IFT81: variants seen among roughly 807,000 people sequenced by gnomAD.
IFT81 encodes intraflagellar transport 81, also known as intraflagellar transport protein 81 homolog.
A neutral mutation model predicts 102.6 loss-of-function variants in IFT81; 72 were observed. That is an observed-to-expected ratio of 0.70 (90% CI 0.58 to 0.85). The LOEUF is 0.85. IFT81 is among the 40% of genes least tolerant of loss of function. The pLI, the probability that IFT81 is intolerant of heterozygous loss-of-function variation, is 0.00. For synonymous variants in IFT81, 237 were observed against 242.7 expected (o/e 0.98, Z 0.22); for missense variants, 723 against 787.3 (o/e 0.92, Z 0.98).
chr12:110,190,972 A>G lies in IFT81; in HGVS notation c.1391A>G (p.Glu464Gly). The change falls in exon 13 of 19, where the codon GAG becomes GGG. Residue 464 changes from glutamate to glycine, a missense_variant. Coordinates refer to ENST00000242591, the MANE Select transcript of IFT81 (RefSeq NM_014055.4). The part of the protein sequence containing the change: ...GISGYSYTQE[E>G]LERVSALKSE... The stretch of plus-strand genomic sequence containing the variant: ...TCTGGATATAGTTACACCCAAGAAG[A>G]GCTAGAAAGAGTATCTGCACTGAAG... The G allele has an allele frequency of 6.2e-7, 1 of 1,608,990 alleles. No homozygotes were observed. The highest frequency in any genetic ancestry group is 2.2e-5 in the East Asian group (1 of 44,602).
chr12:110,126,855 T>C (rs1002858450), intron 1 of IFT81, among the ~76,000 whole-genome samples: 2 of 152,214 alleles, frequency 1.3e-5, no homozygotes, highest in African/African-American at 4.8e-5. Context: ...TCTACTCAGA[T>C]GCAGTTGGTT....
At chr12:110,129,856 G>T (rs758217974) in intron 4 of IFT81, among the ~76,000 whole-genome samples, 25 of 150,090 alleles carry the variant, frequency 1.7e-4, no homozygotes, top group Non-Finnish European at 2.5e-4. Context: ...TTTTTAAAAA[G>T]TGCTTCTGTT....
In IFT81 at chr12:110,132,672, G is replaced by T. The variant is rs750553171; in HGVS notation, c.519+36G>T. 5.4e-6 allele frequency: 6 copies of T among 1,109,198 alleles called. No individual in the cohort carries two copies. The South Asian group carries it at 6.6e-5, about 12-fold the overall frequency. The allele number at this position is 1,109,198 out of a possible 1,614,324, so 68.7% of individuals were successfully genotyped here. A position where few individuals can be genotyped will look rare whatever the true frequency, so the allele number is the denominator to read the frequency against. On this transcript the variant is annotated intron_variant, in intron 5 of 18. Transcript: ENST00000242591. ...GAAAACATAGTAACAATTTTTTTGG[G>T]ATTTGAATAATATTGGATTTAGCAT...
chr12:110,192,727 A>G (rs1231372956), intron 14 of IFT81, 21 bp downstream of exon 14: 6 of 1,333,622 alleles, frequency 4.5e-6, no homozygotes, highest in Non-Finnish European at 6.4e-6. Context: ...GATTTTATCA[A>G]GTAATTTGAT....
At chr12:110,128,004 A>T in intron 2 of IFT81, 42 bp from the exon 3 acceptor site, 1 of 1,311,204 alleles carries the variant, frequency 7.6e-7, no homozygotes, top group Non-Finnish European at 1.1e-6. Context: ...GTCCTTTGTT[A>T]CATATACAAC....
intron 10 of IFT81, among the ~76,000 whole-genome samples, chr12:110,160,416 T>G (rs935153572): frequency 6.6e-6 from 1 of 152,146 alleles, no homozygotes; most frequent in African/African-American, 2.4e-5. Context: ...ACCTGGAGTC[T>G]GATGTCCAAG....
At chr12:110,135,241 G>A in intron 6 of IFT81, 86 bp from the exon 7 acceptor site, 1 of 845,462 alleles carries the variant, frequency 1.2e-6, no homozygotes, top group Non-Finnish European at 1.9e-6. Context: ...AAAAGGAAAT[G>A]ATAAGTGGAT....
chr12:110,205,789 T>C (rs1593373062), intron 17 of IFT81, 109 bp downstream of exon 17: 2 of 627,740 alleles, frequency 3.2e-6, no homozygotes, highest in Non-Finnish European at 5.3e-6. Flanking sequence ...AAGTAGACAC[T>C]AAGATATTAT....
chr12:110,149,982 G>A (rs1319579560), intron 10 of IFT81, among the ~76,000 whole-genome samples: 4 of 152,136 alleles, frequency 2.6e-5, no homozygotes, highest in Admixed American at 6.6e-5. Flanking sequence ...GACAGACCTG[G>A]GGGTGGAGCC....
intron 12 of IFT81, among the ~76,000 whole-genome samples, chr12:110,186,953 C>CT (rs573614507): frequency 6.6e-6 from 1 of 151,972 alleles, no homozygotes; most frequent in East Asian, 1.9e-4. Context: ...TTTTCTTTTT[C>CT]TTTTTTTCAT....
At chr12:110,149,959 C>A (rs1163043559) in intron 10 of IFT81, among the ~76,000 whole-genome samples, 1 of 152,184 alleles carries the variant, frequency 6.6e-6, no homozygotes, top group South Asian at 2.1e-4. Flanking sequence ...CTGTCCTCAC[C>A]TAGGTCCATG....
At chr12:110,206,814 A>G (rs753027569) in intron 17 of IFT81, among the ~76,000 whole-genome samples, 11 of 152,214 alleles carry the variant, frequency 7.2e-5, no homozygotes, top group Non-Finnish European at 1.6e-4. Context: ...TAACATATTA[A>G]ACTAAAAATG....
intron 12 of IFT81, among the ~76,000 whole-genome samples, chr12:110,187,944 T>G (rs1391779421): frequency 6.6e-6 from 1 of 152,170 alleles, no homozygotes; most frequent in Non-Finnish European, 1.5e-5. Context: ...TGTGAGGCAT[T>G]TACCAAAGCC....
chr12:110,172,255 C>A (rs1377998983), intron 11 of IFT81, among the ~76,000 whole-genome samples: 1 of 152,068 alleles, frequency 6.6e-6, no homozygotes, highest in Non-Finnish European at 1.5e-5. Context: ...CGTGATGAAA[C>A]CCTGTCTCCA....
At chr12:110,153,632 C>T (rs370124929) in intron 10 of IFT81, among the ~76,000 whole-genome samples, 4 of 140,356 alleles carry the variant, frequency 2.8e-5, no homozygotes, top group Admixed American at 7.3e-5. Context: ...TTTTTTTAGA[C>T]GAAGTTTCGC....
At chr12:110,173,890 G>T (rs1031836383) in intron 11 of IFT81, among the ~76,000 whole-genome samples, 1 of 150,930 alleles carries the variant, frequency 6.6e-6, no homozygotes, top group Non-Finnish European at 1.5e-5. Flanking sequence ...TTTATCTGCT[G>T]ACCTTCCCTC....
At chr12:110,135,044 G>A (rs768157491) in intron 6 of IFT81, 31 bp downstream of exon 6, 5 of 1,519,094 alleles carry the variant, frequency 3.3e-6, no homozygotes, top group Non-Finnish European at 4.5e-6. Flanking sequence ...TAAGACTTTG[G>A]CCCCAAGTCC....
intron 11 of IFT81, among the ~76,000 whole-genome samples, chr12:110,177,164 T>C (rs1483356552): frequency 6.6e-6 from 1 of 152,256 alleles, no homozygotes; most frequent in Non-Finnish European, 1.5e-5. Context: ...GTGTGAGGGC[T>C]GGATTCCTTA....
At position 110,211,982 on chromosome 12, in the gene IFT81, A is replaced by C. The variant is rs186074870; in HGVS notation, c.1848+2766A>C. On this transcript the variant is annotated intron_variant, in intron 18 of 18. Coordinates refer to ENST00000242591, the MANE Select transcript of IFT81 (RefSeq NM_014055.4). ...TCCATTCTTAAAATACAAATGAAAA[A>C]ATGTGGCTTCATTTCCGTCTTAATA... 7.2e-3 allele frequency among the ~76,000 whole-genome samples: 1,098 copies of C among 152,294 alleles called. 5 individuals are homozygous for C. The highest frequency in any genetic ancestry group is 0.013 in the Non-Finnish European group (873 of 68,032).
Sources: gnomAD v4.1 joint callset for allele counts (sites outside exome capture counted in the v4.1 genomes callset) on GRCh38, gnomAD v4.1.1 for gene constraint, MANE v1.5 for transcripts, NCBI Gene and HGNC (gene_info 2026-07-23, HGNC 2026-07-21) for gene names.